PCM1: variants seen among roughly 807,000 people sequenced by gnomAD.
PCM1 encodes pericentriolar material 1 protein.
In PCM1, 157 loss-of-function variants were observed where a neutral mutation model predicts 241.9. The ratio of observed to expected loss-of-function variants is 0.65; its 90% confidence interval spans 0.57 to 0.74. PCM1 has a LOEUF of 0.74. PCM1 is among the 30% of genes least tolerant of loss of function. PCM1 has a pLI of 0.00. For missense variants in PCM1, 3,478 were observed against 2,360.1 expected (o/e 1.47, Z -9.81); for synonymous variants, 1,085 against 784.9 (o/e 1.38, Z -6.39).
Position 18,025,459 on chromosome 8 carries a change from T to C in PCM1, c.5934+6T>C, listed in dbSNP as rs1252866655. ...AACTGACAATATATTCAGAGGTATTTAGCTGTCTTTAATTAAACTTGTCTT... is the reference window on the plus strand; with the variant it reads ...AACTGACAATATATTCAGAGGTATTCAGCTGTCTTTAATTAAACTTGTCTT... On this transcript the variant is annotated splice_donor_region_variant and intron_variant, in intron 37 of 38. Transcript: ENST00000325083. 6 of 1,550,866 alleles carry C rather than the reference T, an allele frequency of 3.9e-6. No homozygotes were observed. The highest frequency in any genetic ancestry group is 5.3e-6 in the Non-Finnish European group (6 of 1,128,700).
At chr8:18,006,715 T>G (rs1283678803) in intron 30 of PCM1, among the ~76,000 whole-genome samples, 2 of 152,190 alleles carry the variant, frequency 1.3e-5, no homozygotes, top group African/African-American at 4.8e-5. Context: ...CTGTGGCTGT[T>G]TCTAAAATAA....
chr8:17,942,288 G>A (rs947941460), intron 6 of PCM1, among the ~76,000 whole-genome samples: 3 of 152,048 alleles, frequency 2.0e-5, no homozygotes, highest in Non-Finnish European at 2.9e-5. Context: ...CCAACATGGC[G>A]AAACCCTGTC....
intron 24 of PCM1, among the ~76,000 whole-genome samples, chr8:17,983,861 G>A (rs1465786819): frequency 6.6e-6 from 1 of 152,094 alleles, no homozygotes; most frequent in African/African-American, 2.4e-5. Context: ...GTAAAAGCCA[G>A]TTTGAATGGA....
At chr8:18,023,055 C>CA (rs1564455746) in intron 36 of PCM1, among the ~76,000 whole-genome samples, 1 of 152,154 alleles carries the variant, frequency 6.6e-6, no homozygotes, top group African/African-American at 2.4e-5. Context: ...GCAGATATGA[C>CA]AGAGAATAAC....
intron 17 of PCM1, among the ~76,000 whole-genome samples, chr8:17,964,156 T>C (rs919869687): frequency 6.6e-5 from 10 of 152,218 alleles, no homozygotes; most frequent in Admixed American, 6.5e-4. Context: ...TTCTCAGTCA[T>C]ATTAGCTGCA....
At chr8:17,984,702 C>T (rs2082032416) in intron 24 of PCM1, among the ~76,000 whole-genome samples, 1 of 151,776 alleles carries the variant, frequency 6.6e-6, no homozygotes, top group Admixed American at 6.6e-5. Context: ...TTAAGATACT[C>T]AACATTTTAA....
intron 2 of PCM1, chr8:17,925,043 C>T (rs957910053): frequency 2.6e-5 from 4 of 152,156 alleles, no homozygotes; most frequent in African/African-American, 9.7e-5. Flanking sequence ...ATTTATTTGT[C>T]TTCACAGAAT....
intron 9 of PCM1, 97 bp from the exon 10 acceptor site, chr8:17,955,373 T>G (rs1379364921): frequency 3.8e-6 from 3 of 781,898 alleles, no homozygotes; most frequent in Non-Finnish European, 5.9e-6. Context: ...AGTTGTTAAT[T>G]TTTACTTTTT....
In PCM1 at chr8:17,963,152, A is replaced by G; in HGVS notation, c.2515A>G (p.Arg839Gly). Reference sequence around the variant, plus strand: ...AATGTTGAGGGAGGAGCTGCGACAGAGAAGAAAGCAGCTTGAAGCTCTGAT... The same window carrying G: ...AATGTTGAGGGAGGAGCTGCGACAGGGAAGAAAGCAGCTTGAAGCTCTGAT... ...HEMLREELRQ[R>G]RKQLEALMAE... The change falls in exon 17 of 39, where the codon AGA (arginine) becomes GGA (glycine). Residue 839 changes from arginine (R) to glycine (G), a missense_variant. Arg to Gly is a moderately radical substitution (Grantham distance 125). Coordinates refer to ENST00000325083, the MANE Select transcript of PCM1 (RefSeq NM_006197.4). The G allele has an allele frequency of 1.2e-6, 2 of 1,613,652 alleles. No homozygotes were observed. Among genetic ancestry groups the G allele is most frequent in the Non-Finnish European group, 1.7e-6 (2 of 1,179,700 alleles).
chr8:18,024,530 G>C (rs928573156), intron 36 of PCM1, among the ~76,000 whole-genome samples: 2 of 152,060 alleles, frequency 1.3e-5, no homozygotes, highest in Admixed American at 6.6e-5. Flanking sequence ...AAAATTACTG[G>C]TTAGATTTAT....
chr8:17,950,197 A>C (rs991555596), intron 7 of PCM1, among the ~76,000 whole-genome samples: 1 of 152,198 alleles, frequency 6.6e-6, no homozygotes, highest in African/African-American at 2.4e-5. Context: ...ACCTTTAAGC[A>C]AAGTTTGCCA....
At chr8:17,948,790 G>T (rs1045599018) in intron 7 of PCM1, among the ~76,000 whole-genome samples, 3 of 152,130 alleles carry the variant, frequency 2.0e-5, no homozygotes, top group Non-Finnish European at 4.4e-5. Flanking sequence ...TACTAGTTTG[G>T]TTAATGACTA....
chr8:17,961,554 G>A (rs941850185), intron 15 of PCM1, among the ~76,000 whole-genome samples: 2 of 151,980 alleles, frequency 1.3e-5, no homozygotes, highest in Non-Finnish European at 2.9e-5. Context: ...GTCGTGATCC[G>A]CCCGCCTCGG....
intron 36 of PCM1, among the ~76,000 whole-genome samples, chr8:18,018,455 A>G (rs1321472389): frequency 1.3e-5 from 2 of 152,196 alleles, no homozygotes; most frequent in Non-Finnish European, 2.9e-5. Context: ...GTCAGAGGCA[A>G]TCCAAGGGCT....
rs114476886 is a variant in PCM1 at position 18,001,278 on chromosome 8, T to G, written c.4828-4985T>G. ...TTAAATATTTGTGTTTATTCTGGTT[T>G]CTTTTCCACTATTACAAACACTTAT... On this transcript the variant is annotated intron_variant, in intron 29 of 38. Transcript: ENST00000325083. Among the ~76,000 whole-genome samples, 1,336 of 152,354 alleles carry G rather than the reference T, an allele frequency of 8.8e-3. 17 individuals are homozygous for G. Among genetic ancestry groups the G allele is most frequent in the African/African-American group, 0.031 (1,281 of 41,588 alleles).
chr8:17,935,350 C>G (rs185373848), intron 2 of PCM1, among the ~76,000 whole-genome samples: 2 of 152,182 alleles, frequency 1.3e-5, no homozygotes, highest in African/African-American at 4.8e-5. Flanking sequence ...GACTGGTGCT[C>G]ACAAGGTATA....
At chr8:17,983,155 A>G (rs946765399) in intron 24 of PCM1, 2 of 584,140 alleles carry the variant, frequency 3.4e-6, no homozygotes, top group African/African-American at 2.0e-5. Flanking sequence ...TTTTTCATTC[A>G]CTTATTCATG....
chr8:17,994,973 G>C (rs1223111734), intron 29 of PCM1, among the ~76,000 whole-genome samples: 2 of 151,248 alleles, frequency 1.3e-5, no homozygotes, highest in South Asian at 2.1e-4. Context: ...TCATTCTGTG[G>C]GTTGTCTCTT....
rs760391929 is a variant in PCM1 at position 17,960,428 on chromosome 8, C to G, written c.2306C>G (p.Ala769Gly). The G allele has an allele frequency of 1.3e-6, 2 of 1,596,804 alleles. No homozygotes were observed. Among genetic ancestry groups the G allele is most frequent in the Non-Finnish European group, 1.7e-6 (2 of 1,174,248 alleles). The part of the protein sequence containing the change: ...IQEKIQALQT[A>G]CPDLQLSAAS... ...GAGAAAATTCAAGCATTGCAAACGG[C>G]ATGCCCTGACTTACAGGTAATTATG... The change falls in exon 15 of 39, where the codon GCA becomes GGA. Residue 769 changes from alanine (A) to glycine (G), a missense_variant. Coordinates refer to ENST00000325083, the MANE Select transcript of PCM1 (RefSeq NM_006197.4).
Sources: gnomAD v4.1 joint callset for allele counts (sites outside exome capture counted in the v4.1 genomes callset) on GRCh38, gnomAD v4.1.1 for gene constraint, MANE v1.5 for transcripts, NCBI Gene and HGNC (gene_info 2026-07-23, HGNC 2026-07-21) for gene names.